Variants in NRXN1 observed in about 807,000 individuals in gnomAD.
NRXN1 encodes the protein neurexin-1.
A neutral mutation model predicts 150.9 loss-of-function variants in NRXN1; 39 were observed. The ratio of observed to expected loss-of-function variants is 0.26; its 90% confidence interval spans 0.20 to 0.34. The LOEUF is 0.34. Among genes scored for constraint, NRXN1 ranks in the 10% least tolerant of loss-of-function variants. The pLI is 1.00. For missense variants in NRXN1, 1,815 were observed against 1,949.9 expected (o/e 0.93, Z 1.30); for synonymous variants, 924 against 757.0 (o/e 1.22, Z -3.62).
intron 17 of NRXN1, among the ~76,000 whole-genome samples, chr2:50,424,631 T>C (rs970120911): frequency 1.8e-4 from 27 of 152,162 alleles, no homozygotes; most frequent in African/African-American, 6.5e-4. Flanking sequence ...TATGTAACAG[T>C]ATCAAGCACA....
intron 19 of NRXN1, among the ~76,000 whole-genome samples, chr2:50,063,033 C>T (rs1388533275): frequency 6.6e-6 from 1 of 152,070 alleles, no homozygotes; most frequent in Non-Finnish European, 1.5e-5. Flanking sequence ...AGATTAGTAA[C>T]CTGTGTACAG....
chr2:50,377,588 GCCCACAT>G (rs1303399491), intron 17 of NRXN1, among the ~76,000 whole-genome samples: 1 of 152,046 alleles, frequency 6.6e-6, no homozygotes, highest in Non-Finnish European at 1.5e-5. Context: ...TCTCCAAAGT[GCCCACAT>G]ACTAAACGCT....
At chr2:50,184,189 C>G (rs1424165746) in intron 18 of NRXN1, among the ~76,000 whole-genome samples, 1 of 151,902 alleles carries the variant, frequency 6.6e-6, no homozygotes, top group Admixed American at 6.6e-5. Flanking sequence ...TACCTTTTAC[C>G]CCATTATTTT....
chr2:51,012,159 T>C (rs1667981664), intron 2 of NRXN1, among the ~76,000 whole-genome samples: 1 of 152,050 alleles, frequency 6.6e-6, no homozygotes, highest in African/African-American at 2.4e-5. Flanking sequence ...CTTTCAGGTT[T>C]CCTCACTTTC....
At chr2:50,578,973 C>G (rs1671846289) in intron 8 of NRXN1, among the ~76,000 whole-genome samples, 1 of 152,160 alleles carries the variant, frequency 6.6e-6, no homozygotes, top group Admixed American at 6.5e-5. Flanking sequence ...ATGTAACCAT[C>G]ACTTCTTACC....
chr2:50,853,004 C>G (rs529136053), intron 5 of NRXN1, among the ~76,000 whole-genome samples: 1 of 152,176 alleles, frequency 6.6e-6, no homozygotes, highest in Non-Finnish European at 1.5e-5. Context: ...TCTCTTTCAT[C>G]TAACTTGGCA....
In NRXN1 at chr2:49,920,869, A is replaced by C. The variant is rs1363433807; in HGVS notation, c.*1075T>G. ...AGTACTAAAACTTAATTGCAACAGAATGAAGGCTGTACATATAAGAAAAGA... is the reference window on the plus strand; with the variant it reads ...AGTACTAAAACTTAATTGCAACAGACTGAAGGCTGTACATATAAGAAAAGA... On this transcript the variant is annotated 3_prime_UTR_variant, in exon 23 of 23. Coordinates refer to ENST00000401669, the MANE Select transcript of NRXN1 (RefSeq NM_001330078.2). 1 of 152,618 alleles carries C rather than the reference A, an allele frequency of 6.6e-6. No individual in the cohort carries two copies. The highest frequency in any genetic ancestry group is 1.5e-5 in the Non-Finnish European group (1 of 68,040). 9.5% of individuals were successfully genotyped at this position (152,618 alleles called of 1,614,324 possible).
rs956239176 is a variant in NRXN1 at position 49,941,538 on chromosome 2, G to T, written c.4216+2166C>A. ...ATTCAGCTGAGCTCACGAAGAAAAA[G>T]TGACAATTTTAAGTGCAATTAGTTA... On this transcript the variant is annotated intron_variant, in intron 22 of 22. Coordinates refer to ENST00000401669, the MANE Select transcript of NRXN1 (RefSeq NM_001330078.2). Among the ~76,000 whole-genome samples the T allele has an allele frequency of 1.8e-4, 27 of 151,976 alleles. 1 individual carries two copies. Among genetic ancestry groups the T allele is most frequent in the African/African-American group, 5.8e-4 (24 of 41,396 alleles).
intron 2 of NRXN1, among the ~76,000 whole-genome samples, chr2:51,020,158 T>C (rs569499583): frequency 2.5e-4 from 38 of 151,908 alleles, no homozygotes; most frequent in African/African-American, 8.9e-4. Context: ...ACCACCCATA[T>C]CATGCCCAAT....
At chr2:50,167,214 C>A (rs1574280183) in intron 18 of NRXN1, among the ~76,000 whole-genome samples, 1 of 152,028 alleles carries the variant, frequency 6.6e-6, no homozygotes, top group Non-Finnish European at 1.5e-5. Context: ...TGCTCCCCTG[C>A]CTCACCCCTT....
chr2:49,938,452 G>A (rs1362518792), intron 22 of NRXN1, among the ~76,000 whole-genome samples: 2 of 152,154 alleles, frequency 1.3e-5, no homozygotes, highest in African/African-American at 4.8e-5. Context: ...TGTCTTTTGA[G>A]TGGTTGTACT....
intron 16 of NRXN1, among the ~76,000 whole-genome samples, chr2:50,471,904 A>T (rs1188639072): frequency 6.6e-6 from 1 of 151,896 alleles, no homozygotes; most frequent in Admixed American, 6.6e-5. Flanking sequence ...AAGAATGTAG[A>T]TTTTTAAAAA....
intron 17 of NRXN1, among the ~76,000 whole-genome samples, chr2:50,425,828 C>A (rs769141675): frequency 6.6e-6 from 1 of 152,130 alleles, no homozygotes. Flanking sequence ...GCCTGCCACA[C>A]CTTCTCACCT....
intron 2 of NRXN1, among the ~76,000 whole-genome samples, chr2:50,954,527 G>A (rs1409068993): frequency 6.6e-6 from 1 of 152,166 alleles, no homozygotes; most frequent in Non-Finnish European, 1.5e-5. Flanking sequence ...TCACTTGAAG[G>A]GAGTAAGCAA....
At chr2:50,171,140 A>G (rs868799971) in intron 18 of NRXN1, among the ~76,000 whole-genome samples, 27 of 151,950 alleles carry the variant, frequency 1.8e-4, no homozygotes, top group Non-Finnish European at 1.5e-4. Flanking sequence ...AAGGAAGAGG[A>G]GGGGCTGATC....
chr2:50,568,082 G>T (rs1381657386), intron 8 of NRXN1, among the ~76,000 whole-genome samples: 1 of 152,120 alleles, frequency 6.6e-6, no homozygotes, highest in Admixed American at 6.6e-5. Flanking sequence ...CAGAGTGCTT[G>T]TTCCTAACCA....
intron 21 of NRXN1, among the ~76,000 whole-genome samples, chr2:50,018,855 G>C (rs1573439711): frequency 6.6e-6 from 1 of 152,140 alleles, no homozygotes; most frequent in African/African-American, 2.4e-5. Flanking sequence ...AATATAACAA[G>C]AGAAATAGGC....
At chr2:50,809,341 G>A (rs1348073925) in intron 5 of NRXN1, among the ~76,000 whole-genome samples, 1 of 152,016 alleles carries the variant, frequency 6.6e-6, no homozygotes, top group African/African-American at 2.4e-5. Context: ...AATTATTTCT[G>A]TCCCAAATCC....
At chr2:50,073,441 G>C (rs1696597449) in intron 19 of NRXN1, among the ~76,000 whole-genome samples, 3 of 152,062 alleles carry the variant, frequency 2.0e-5, no homozygotes, top group Admixed American at 2.0e-4. Flanking sequence ...GTTCTAACAT[G>C]GCTTATCAAT....
Sources: gnomAD v4.1 joint callset for allele counts (sites outside exome capture counted in the v4.1 genomes callset) on GRCh38, gnomAD v4.1.1 for gene constraint, MANE v1.5 for transcripts, NCBI Gene and HGNC (gene_info 2026-07-23, HGNC 2026-07-21) for gene names.